Variants in SLC26A5 observed in about 807,000 individuals in gnomAD.
SLC26A5 encodes the protein solute carrier family 26 member 5.
A neutral mutation model predicts 81.0 loss-of-function variants in SLC26A5; 51 were observed. That is an observed-to-expected ratio of 0.63 (90% CI 0.50 to 0.80). The LOEUF (loss-of-function observed/expected upper bound fraction) is 0.80. SLC26A5 is among the 30% of genes least tolerant of loss of function. The pLI, the probability that SLC26A5 is intolerant of heterozygous loss-of-function variation, is 0.00. For synonymous variants in SLC26A5, 325 were observed against 332.8 expected (o/e 0.98, Z 0.25); for missense variants, 771 against 905.8 (o/e 0.85, Z 1.91).
intron 14 of SLC26A5, among the ~76,000 whole-genome samples, chr7:103,383,707 T>C (rs1252489540): frequency 6.6e-6 from 1 of 152,198 alleles, no homozygotes; most frequent in African/African-American, 2.4e-5. Flanking sequence ...TGGGATCTTA[T>C]TCTGTGGCCC....
Position 103,377,658 on chromosome 7 carries a change from T to C in SLC26A5, c.1927A>G (p.Ile643Val), listed in dbSNP as rs1821453693. ...AAATTGACTTGAGTGAAATCCAAAA[T>C]GACAGTGTGGACGTTATCCCCTGGG... ...MPPGDNVHTV[I>V]LDFTQVNFID... The change falls in exon 18 of 20, where the codon ATT becomes GTT. Residue 643 changes from isoleucine to valine, a missense_variant. Transcript: ENST00000306312. 6.2e-7 allele frequency: 1 copy of C among 1,614,092 alleles called. No individual in the cohort carries two copies. Among genetic ancestry groups the C allele is most frequent in the Non-Finnish European group, 8.5e-7 (1 of 1,180,000 alleles).
chr7:103,356,674 A>G (rs1264708506), intron 19 of SLC26A5, among the ~76,000 whole-genome samples: 1 of 152,196 alleles, frequency 6.6e-6, no homozygotes, highest in East Asian at 1.9e-4. Flanking sequence ...CAGTTCATAT[A>G]TTGTACATAT....
intron 1 of SLC26A5, among the ~76,000 whole-genome samples, chr7:103,444,569 C>T (rs1048925495): frequency 1.6e-4 from 24 of 152,210 alleles, no homozygotes; most frequent in Non-Finnish European, 3.2e-4. Flanking sequence ...CTTAGCAAAG[C>T]GCCTCTATGC....
chr7:103,389,686 A>T (rs1822489924), intron 12 of SLC26A5, among the ~76,000 whole-genome samples: 1 of 152,070 alleles, frequency 6.6e-6, no homozygotes. Flanking sequence ...GCAGTAGCGT[A>T]ATCTTGGCTA....
intron 19 of SLC26A5, among the ~76,000 whole-genome samples, chr7:103,361,009 G>A (rs1820358009): frequency 6.6e-6 from 1 of 152,074 alleles, no homozygotes; most frequent in African/African-American, 2.4e-5. Context: ...AGCTACTTGG[G>A]AGGCTGAGGC....
intron 4 of SLC26A5, among the ~76,000 whole-genome samples, chr7:103,418,415 T>G (rs1227605323): frequency 1.3e-5 from 2 of 152,330 alleles, no homozygotes; most frequent in Middle Eastern, 6.8e-3. Flanking sequence ...CAGTCATTCC[T>G]GCAGCTCCGT....
downstream of SLC26A5, among the ~76,000 whole-genome samples, chr7:103,372,577 T>C (rs1821099971): frequency 6.6e-6 from 1 of 152,212 alleles, no homozygotes; most frequent in African/African-American, 2.4e-5. Context: ...ACATTCCATG[T>C]TTCTGTGGAA....
At chr7:103,435,770 T>C (rs1826406686) in intron 2 of SLC26A5, among the ~76,000 whole-genome samples, 1 of 152,218 alleles carries the variant, frequency 6.6e-6, no homozygotes, top group Non-Finnish European at 1.5e-5. Context: ...GTCCTTTTTG[T>C]ACAAATTCTT....
At chr7:103,387,485 A>G (rs1356759321) in intron 14 of SLC26A5, among the ~76,000 whole-genome samples, 1 of 152,160 alleles carries the variant, frequency 6.6e-6, no homozygotes, top group African/African-American at 2.4e-5. Context: ...GCATTGGTAG[A>G]GTGGGTAGCA....
At chr7:103,354,966 T>A in intron 19 of SLC26A5, 1 of 1,503,436 alleles carries the variant, frequency 6.7e-7, no homozygotes, top group Non-Finnish European at 9.3e-7. Context: ...ATTTTTAAAT[T>A]CCCATTTCCT....
intron 8 of SLC26A5, among the ~76,000 whole-genome samples, chr7:103,399,968 C>T (rs1241107340): frequency 6.6e-6 from 1 of 152,086 alleles, no homozygotes; most frequent in East Asian, 1.9e-4. Context: ...TCCAGTCTAT[C>T]ATTGATGGGC....
downstream of SLC26A5, among the ~76,000 whole-genome samples, chr7:103,370,113 G>A (rs999253302): frequency 1.3e-5 from 2 of 152,188 alleles, no homozygotes; most frequent in Non-Finnish European, 2.9e-5. Context: ...GAAGAATTCA[G>A]TAATACTTTT....
intron 19 of SLC26A5, among the ~76,000 whole-genome samples, chr7:103,363,670 CAG>C (rs148722067): frequency 0.063 from 9,563 of 152,082 alleles, 460 homozygotes; most frequent in East Asian, 0.28. Context: ...TTTACAGTGA[CAG>C]AGGAGGCACA....
At chr7:103,360,604 C>CTT (rs1820327082) in intron 19 of SLC26A5, among the ~76,000 whole-genome samples, 1 of 152,184 alleles carries the variant, frequency 6.6e-6, no homozygotes, top group South Asian at 2.1e-4. Flanking sequence ...CCTATGTGCG[C>CTT]ACTCCACAGG....
intron 5 of SLC26A5, 87 bp from the exon 6 acceptor site, chr7:103,411,673 G>A: frequency 1.4e-6 from 2 of 1,451,916 alleles, no homozygotes; most frequent in East Asian, 2.3e-5. Context: ...CAAAGGTGAG[G>A]TCAAGAAATC....
intron 9 of SLC26A5, among the ~76,000 whole-genome samples, chr7:103,396,393 A>G (rs1473314783): frequency 6.6e-6 from 1 of 152,224 alleles, no homozygotes; most frequent in Non-Finnish European, 1.5e-5. Flanking sequence ...CAGCTGCACT[A>G]TTCACAATAG....
chr7:103,427,864 T>C (rs1380825013), intron 2 of SLC26A5, among the ~76,000 whole-genome samples: 1 of 151,646 alleles, frequency 6.6e-6, no homozygotes, highest in Non-Finnish European at 1.5e-5. Context: ...TTTTTTTTTT[T>C]TCTTTTGAGA....
At chr7:103,366,122 A>G in intron 19 of SLC26A5, 1 of 1,614,072 alleles carries the variant, frequency 6.2e-7, no homozygotes, top group Non-Finnish European at 8.5e-7. Flanking sequence ...AGAACAAAAA[A>G]AGCCTGCCTT....
chr7:103,430,034 G>A (rs1348281937), intron 2 of SLC26A5, among the ~76,000 whole-genome samples: 1 of 151,510 alleles, frequency 6.6e-6, no homozygotes, highest in East Asian at 1.9e-4. Context: ...ACCACATGCA[G>A]AGCCTAGGGT....
Sources: gnomAD v4.1 joint callset for allele counts (sites outside exome capture counted in the v4.1 genomes callset) on GRCh38, gnomAD v4.1.1 for gene constraint, MANE v1.5 for transcripts, NCBI Gene and HGNC (gene_info 2026-07-23, HGNC 2026-07-21) for gene names.